Variants in KCNMA1 observed in about 807,000 individuals in gnomAD.
KCNMA1 encodes Calcium-activated potassium channel subunit alpha-1.
In KCNMA1, 29 loss-of-function variants were observed where a neutral mutation model predicts 140.0. The observed-to-expected ratio is 0.21, with a 90% CI of 0.15 to 0.28. The LOEUF is 0.28. KCNMA1 is among the 10% of genes least tolerant of loss of function. The pLI is 1.00. For synonymous variants in KCNMA1, 612 were observed against 611.9 expected, an observed-to-expected ratio of 1.00 and a Z score of 0.00; for missense variants, 880 against 1,602.2, an observed-to-expected ratio of 0.55 and a Z score of 7.70.
chr10:77,095,277 G>A (rs544029233), intron 9 of KCNMA1, among the ~76,000 whole-genome samples: 2 of 152,278 alleles, frequency 1.3e-5, no homozygotes, highest in South Asian at 4.1e-4. Context: ...ATCTGATGAA[G>A]TTTTTGGTTT....
chr10:76,995,825 AT>A (rs1269754052), intron 19 of KCNMA1: 19 of 385,254 alleles, frequency 4.9e-5, no homozygotes, highest in Non-Finnish European at 4.7e-5. Flanking sequence ...GAGCCGAGTC[AT>A]TTATTACAGC....
chr10:77,509,101 TTTGTTGTTGTTGTTGTTG>T (rs71028281), intron 1 of KCNMA1, among the ~76,000 whole-genome samples: 6 of 119,034 alleles, frequency 5.0e-5, no homozygotes, highest in African/African-American at 1.8e-4. Context: ...TTTGTTGGGT[TTTGTTGTTGTTGTTGTTG>T]TTGTTGTTGT....
chr10:77,390,234 T>C (rs576546635), intron 2 of KCNMA1, among the ~76,000 whole-genome samples: 7 of 152,300 alleles, frequency 4.6e-5, no homozygotes, highest in Non-Finnish European at 7.3e-5. Flanking sequence ...AGAAAAGTGA[T>C]AGCAAAGCCA....
At chr10:77,414,416 G>A (rs2154479230) in intron 1 of KCNMA1, among the ~76,000 whole-genome samples, 1 of 152,282 alleles carries the variant, frequency 6.6e-6, no homozygotes, top group East Asian at 1.9e-4. Context: ...CATCTACTGT[G>A]TTCTGTCCTT....
At chr10:77,049,116 G>A (rs2095255559) in intron 14 of KCNMA1, among the ~76,000 whole-genome samples, 1 of 152,134 alleles carries the variant, frequency 6.6e-6, no homozygotes, top group African/African-American at 2.4e-5. Flanking sequence ...AGCTTAAGAA[G>A]ATGGGAAATG....
intron 2 of KCNMA1, among the ~76,000 whole-genome samples, chr10:77,267,075 G>A (rs1047772751): frequency 1.3e-5 from 2 of 152,148 alleles, no homozygotes; most frequent in African/African-American, 2.4e-5. Context: ...TGGAGTCTAG[G>A]GGTGTTCCAT....
At chr10:76,994,777 C>T (rs773763840) in intron 19 of KCNMA1, among the ~76,000 whole-genome samples, 12 of 152,150 alleles carry the variant, frequency 7.9e-5, no homozygotes, top group South Asian at 2.1e-4. Flanking sequence ...ATGTTAAGAT[C>T]GTTTTGAAGA....
chr10:77,604,882 C>A (rs2083874372), intron 1 of KCNMA1, among the ~76,000 whole-genome samples: 1 of 152,034 alleles, frequency 6.6e-6, no homozygotes, highest in Non-Finnish European at 1.5e-5. Flanking sequence ...CCTGCCTCCA[C>A]CCTCCCCCAC....
intron 2 of KCNMA1, among the ~76,000 whole-genome samples, chr10:77,257,180 T>C (rs2060960775): frequency 1.3e-5 from 2 of 152,210 alleles, no homozygotes. Flanking sequence ...ATTTTGTTTT[T>C]TGAGAGATAA....
intron 2 of KCNMA1, among the ~76,000 whole-genome samples, chr10:77,305,284 G>A (rs1032580334): frequency 3.3e-5 from 5 of 152,140 alleles, no homozygotes; most frequent in Admixed American, 6.5e-5. Flanking sequence ...AACAGCAATC[G>A]TCATAGTCAT....
chr10:77,270,748 C>T (rs1364687172), intron 2 of KCNMA1, among the ~76,000 whole-genome samples: 1 of 151,824 alleles, frequency 6.6e-6, no homozygotes, highest in Non-Finnish European at 1.5e-5. Context: ...CCTCGGCCTC[C>T]CAAAGTGCTG....
intron 1 of KCNMA1, among the ~76,000 whole-genome samples, chr10:77,560,144 C>T (rs2065897907): frequency 6.6e-6 from 1 of 152,178 alleles, no homozygotes; most frequent in Non-Finnish European, 1.5e-5. Flanking sequence ...GATCGCGCTA[C>T]TGCACTCCAG....
chr10:77,600,271 A>G (rs2082208440), intron 1 of KCNMA1, among the ~76,000 whole-genome samples: 1 of 152,220 alleles, frequency 6.6e-6, no homozygotes, highest in African/African-American at 2.4e-5. Context: ...AGTGACCCAG[A>G]GTCATCTGTA....
intron 8 of KCNMA1, among the ~76,000 whole-genome samples, chr10:77,109,840 T>A (rs947702485): frequency 5.9e-5 from 9 of 152,172 alleles, no homozygotes; most frequent in African/African-American, 2.2e-4. Context: ...ACAGCCACTG[T>A]CCTTGTAGCA....
At chr10:76,941,014 GAAGGAAGA>G (rs1224111569) in intron 23 of KCNMA1, among the ~76,000 whole-genome samples, 4 of 28,142 alleles carry the variant, frequency 1.4e-4, no homozygotes, top group South Asian at 1.1e-3. Flanking sequence ...AGGAAGGAAG[GAAGGAAGA>G]AAGAAAGAAA....
chr10:76,926,809 A>AT (rs1463638541), intron 23 of KCNMA1, among the ~76,000 whole-genome samples: 2 of 152,146 alleles, frequency 1.3e-5, no homozygotes, highest in East Asian at 3.9e-4. Context: ...ATCAACAAAC[A>AT]TATCAACATT....
chr10:77,201,509 G>A (rs1225473537), intron 3 of KCNMA1, among the ~76,000 whole-genome samples: 1 of 152,192 alleles, frequency 6.6e-6, no homozygotes, highest in Non-Finnish European at 1.5e-5. Flanking sequence ...CACTCAGGGA[G>A]ATGCTCCAGG....
chr10:77,599,746 C>T (rs180907963), intron 1 of KCNMA1, among the ~76,000 whole-genome samples: 17 of 152,190 alleles, frequency 1.1e-4, no homozygotes, highest in Non-Finnish European at 1.6e-4. Flanking sequence ...TAGAGGTCTG[C>T]AAAACAAGGG....
chr10:77,560,353 C>T (rs1304869157), intron 1 of KCNMA1, among the ~76,000 whole-genome samples: 1 of 152,216 alleles, frequency 6.6e-6, no homozygotes, highest in East Asian at 1.9e-4. Flanking sequence ...TAATTACATA[C>T]ATGAACATAA....
Sources: allele counts gnomAD v4.1 joint callset (sites outside exome capture counted in the v4.1 genomes callset), GRCh38; gene constraint gnomAD v4.1.1; transcripts MANE v1.5; gene names NCBI Gene and HGNC (gene_info 2026-07-23, HGNC 2026-07-21).